The following FOXP1 variants were observed in gnomAD, a reference collection of about 807,000 sequenced individuals.
FOXP1 encodes forkhead box P1, also known as forkhead box protein P1.
In FOXP1, 15 loss-of-function variants were observed where a neutral mutation model predicts 98.2. The ratio of observed to expected loss-of-function variants is 0.15; its 90% CI spans 0.10 to 0.24. FOXP1 has a LOEUF of 0.24. Ranked by LOEUF, FOXP1 falls within the 10% of genes least tolerant of loss-of-function variation. FOXP1 has a pLI of 1.00. For missense variants in FOXP1, 633 were observed against 848.5 expected, an observed-to-expected ratio of 0.75 and a Z score of 3.15; for synonymous variants, 371 against 314.5, an observed-to-expected ratio of 1.18 and a Z score of -1.90.
chr3:71,125,540 A>G (rs2059106639), intron 6 of FOXP1, among the ~76,000 whole-genome samples: 1 of 152,238 alleles, frequency 6.6e-6, no homozygotes, highest in South Asian at 2.1e-4. Flanking sequence ...TACAGATTTG[A>G]TTGGTTTGGT....
At chr3:71,274,167 GAGATCTGC>G (rs1181761776) in intron 5 of FOXP1, among the ~76,000 whole-genome samples, 1 of 152,176 alleles carries the variant, frequency 6.6e-6, no homozygotes, top group Non-Finnish European at 1.5e-5. Flanking sequence ...TGAGTTTCCT[GAGATCTGC>G]AGACATGTTT....
At chr3:71,010,365 C>G (rs1251221678) in intron 12 of FOXP1, among the ~76,000 whole-genome samples, 2 of 152,150 alleles carry the variant, frequency 1.3e-5, no homozygotes, top group Non-Finnish European at 2.9e-5. Context: ...TTGGGTAAAT[C>G]ATTTAACCTC....
At chr3:71,284,285 C>A (rs1229317554) in intron 5 of FOXP1, among the ~76,000 whole-genome samples, 1 of 152,136 alleles carries the variant, frequency 6.6e-6, no homozygotes, top group Non-Finnish European at 1.5e-5. Flanking sequence ...GACAAATATG[C>A]CAGGCACAGT....
chr3:71,091,696 C>G (rs1236371422), intron 7 of FOXP1, among the ~76,000 whole-genome samples: 1 of 152,126 alleles, frequency 6.6e-6, no homozygotes, highest in Admixed American at 6.5e-5. Context: ...AACCAGTTAA[C>G]ATATTCAACC....
intron 3 of FOXP1, among the ~76,000 whole-genome samples, chr3:71,484,254 C>A (rs1380630777): frequency 6.6e-6 from 1 of 152,152 alleles, no homozygotes; most frequent in East Asian, 1.9e-4. Context: ...TAATACACGT[C>A]CCTTGAAACT....
At chr3:71,118,021 C>T (rs2058500641) in intron 6 of FOXP1, among the ~76,000 whole-genome samples, 1 of 152,144 alleles carries the variant, frequency 6.6e-6, no homozygotes, top group Non-Finnish European at 1.5e-5. Context: ...GCACGCATCA[C>T]TTTCATCTCT....
chr3:71,268,502 T>C (rs2069972196), intron 5 of FOXP1, among the ~76,000 whole-genome samples: 1 of 152,128 alleles, frequency 6.6e-6, no homozygotes, highest in Non-Finnish European at 1.5e-5. Flanking sequence ...TCTTCTTCTC[T>C]TCCACACCAG....
In FOXP1 at chr3:71,029,281, T is replaced by A. The variant is rs549848613; in HGVS notation, c.869+12047A>T. Reference sequence around the variant, plus strand: ...GTGCTGGGTGATGGGGATGTGGCAATGGACAAGAGAGTTAAAACCTTTCCC... The same window carrying A: ...GTGCTGGGTGATGGGGATGTGGCAAAGGACAAGAGAGTTAAAACCTTTCCC... On this transcript the variant is annotated intron_variant, in intron 11 of 20. Coordinates refer to ENST00000649528, the MANE Select transcript of FOXP1 (RefSeq NM_001349338.3). Among the ~76,000 whole-genome samples the A allele has an allele frequency of 1.9e-4, 29 of 152,304 alleles. 1 individual carries two copies. The highest frequency in any genetic ancestry group is 9.8e-4 in the Admixed American group (15 of 15,294).
At chr3:71,340,765 C>CCTGTGTAA (rs1402447846) in intron 4 of FOXP1, among the ~76,000 whole-genome samples, 2 of 152,188 alleles carry the variant, frequency 1.3e-5, no homozygotes, top group Admixed American at 1.3e-4. Flanking sequence ...ACCAATCCCT[C>CCTGTGTAA]ATCTCTCTTT....
chr3:71,369,036 T>G (rs996095830), intron 3 of FOXP1, among the ~76,000 whole-genome samples: 1 of 152,096 alleles, frequency 6.6e-6, no homozygotes, highest in East Asian at 1.9e-4. Flanking sequence ...AATACTTATT[T>G]CTGGCTTTGT....
chr3:71,432,503 T>C (rs2084811337), intron 3 of FOXP1, among the ~76,000 whole-genome samples: 2 of 152,122 alleles, frequency 1.3e-5, no homozygotes, highest in South Asian at 4.1e-4. Flanking sequence ...CCTTTTCCTG[T>C]CCCTCCCAGT....
chr3:71,552,364 TA>T (rs1194520342), intron 2 of FOXP1, among the ~76,000 whole-genome samples: 2 of 151,844 alleles, frequency 1.3e-5, no homozygotes, highest in African/African-American at 4.8e-5. Context: ...TAAGAAAATA[TA>T]AATATTTCTT....
chr3:71,463,079 G>A (rs1022079951), intron 3 of FOXP1, among the ~76,000 whole-genome samples: 1 of 152,112 alleles, frequency 6.6e-6, no homozygotes, highest in African/African-American at 2.4e-5. Context: ...ACTTGTCAAG[G>A]AGGCCAAGCA....
chr3:71,556,761 C>T (rs960508628), intron 2 of FOXP1, among the ~76,000 whole-genome samples: 2 of 151,480 alleles, frequency 1.3e-5, no homozygotes, highest in African/African-American at 4.8e-5. Context: ...CAATGTTCAC[C>T]ACCCTTTGAC....
chr3:71,014,761 A>G (rs972513773), intron 12 of FOXP1, among the ~76,000 whole-genome samples: 3 of 152,212 alleles, frequency 2.0e-5, no homozygotes, highest in Non-Finnish European at 4.4e-5. Context: ...TCAATGATAG[A>G]CTGGATTACG....
chr3:71,061,636 C>G (rs1271447988), intron 7 of FOXP1, among the ~76,000 whole-genome samples: 2 of 152,152 alleles, frequency 1.3e-5, no homozygotes, highest in African/African-American at 2.4e-5. Context: ...TTTATTTACT[C>G]TAACCTTCTC....
chr3:71,556,080 A>T (rs2107697992), intron 2 of FOXP1, among the ~76,000 whole-genome samples: 1 of 152,266 alleles, frequency 6.6e-6, no homozygotes, highest in South Asian at 2.1e-4. Flanking sequence ...TTTTCCGCAA[A>T]CACACTATAT....
chr3:71,402,744 G>A (rs2082033278), intron 3 of FOXP1, among the ~76,000 whole-genome samples: 1 of 152,242 alleles, frequency 6.6e-6, no homozygotes, highest in South Asian at 2.1e-4. Flanking sequence ...GATGGAATGT[G>A]CTGCTGAGAA....
intron 3 of FOXP1, among the ~76,000 whole-genome samples, chr3:71,491,662 A>T (rs1206757401): frequency 6.6e-6 from 1 of 152,172 alleles, no homozygotes; most frequent in Non-Finnish European, 1.5e-5. Flanking sequence ...TGCAAAGTAC[A>T]AGTTATCAGT....
Sources: allele counts gnomAD v4.1 joint callset (sites outside exome capture counted in the v4.1 genomes callset), GRCh38; gene constraint gnomAD v4.1.1; transcripts MANE v1.5; gene names NCBI Gene and HGNC (gene_info 2026-07-23, HGNC 2026-07-21).